The following ART3 variants were observed in gnomAD, a reference collection of about 807,000 sequenced individuals.
The protein encoded by ART3 is ADP-ribosyltransferase 3 (inactive), also known as ecto-ADP-ribosyltransferase 3.
In ART3, 49 loss-of-function variants were observed where a neutral mutation model predicts 48.5. The ratio of observed to expected loss-of-function variants is 1.01; its 90% CI spans 0.80 to 1.28. The LOEUF (loss-of-function observed/expected upper bound fraction) is 1.28. Among genes scored for constraint, ART3 ranks in the 50% most tolerant of loss-of-function variants. The pLI is 0.00. For missense variants in ART3, 438 were observed against 454.3 expected (o/e 0.96, Z 0.33); for synonymous variants, 145 against 157.2 (o/e 0.92, Z 0.58).
chr4:76,095,997 A>G (rs1289392745), intron 3 of ART3, among the ~76,000 whole-genome samples: 1 of 151,812 alleles, frequency 6.6e-6, no homozygotes, highest in African/African-American at 2.4e-5. Flanking sequence ...ATCTTGGCTC[A>G]CTGCAAACTC....
intron 2 of ART3, among the ~76,000 whole-genome samples, chr4:76,079,695 G>A (rs2149541432): frequency 6.6e-6 from 1 of 152,204 alleles, no homozygotes; most frequent in Admixed American, 6.5e-5. Context: ...TGGAGAAATG[G>A]GTGGGAAGCC....
chr4:76,042,621 C>T (rs1338622186), intron 1 of ART3, among the ~76,000 whole-genome samples: 3 of 151,794 alleles, frequency 2.0e-5, no homozygotes, highest in East Asian at 1.9e-4. Flanking sequence ...CTTAAGGTGG[C>T]GCGTCTGGAG....
intron 2 of ART3, among the ~76,000 whole-genome samples, chr4:76,080,913 T>G (rs957217438): frequency 2.6e-5 from 4 of 152,226 alleles, no homozygotes; most frequent in Non-Finnish European, 5.9e-5. Context: ...CTGATCTGCC[T>G]GGCTTCAAAG....
chr4:76,097,804 G>A (rs1282923376), intron 4 of ART3, 128 bp downstream of exon 4: 2 of 766,226 alleles, frequency 2.6e-6, no homozygotes, highest in Non-Finnish European at 4.3e-6. Flanking sequence ...AGGCTAAATT[G>A]TGCTACTACT....
intron 10 of ART3, among the ~76,000 whole-genome samples, chr4:76,104,836 C>T (rs1022006686): frequency 6.6e-6 from 1 of 152,164 alleles, no homozygotes; most frequent in African/African-American, 2.4e-5. Flanking sequence ...GCATAAATCC[C>T]TTTCTCCTGA....
At chr4:76,019,620 A>AT (rs1476632781) in intron 1 of ART3, among the ~76,000 whole-genome samples, 1 of 141,802 alleles carries the variant, frequency 7.1e-6, no homozygotes, top group Non-Finnish European at 1.5e-5. Context: ...CGCCTGGCTA[A>AT]TTTTTTTGTA....
intron 3 of ART3, among the ~76,000 whole-genome samples, chr4:76,092,760 A>G (rs1578531673): frequency 1.3e-5 from 2 of 152,186 alleles, no homozygotes; most frequent in East Asian, 1.9e-4. Flanking sequence ...GATTCTGTTT[A>G]TATGTATATT....
chr4:76,044,142 G>A (rs576262412), intron 1 of ART3, among the ~76,000 whole-genome samples: 12 of 152,014 alleles, frequency 7.9e-5, no homozygotes, highest in Admixed American at 2.6e-4. Context: ...GCCCAAAAGC[G>A]AGTAACAGCA....
intron 1 of ART3, among the ~76,000 whole-genome samples, chr4:76,043,697 C>T (rs1005049025): frequency 3.3e-5 from 5 of 151,016 alleles, no homozygotes; most frequent in African/African-American, 1.2e-4. Context: ...GCTGAGCGAG[C>T]CAGCTCCGGC....
At chr4:76,087,417 TA>T (rs1353265846) in intron 3 of ART3, among the ~76,000 whole-genome samples, 1 of 152,144 alleles carries the variant, frequency 6.6e-6, no homozygotes, top group African/African-American at 2.4e-5. Context: ...GAGTAACCTT[TA>T]AAGACAGGCA....
intron 1 of ART3, among the ~76,000 whole-genome samples, chr4:76,049,592 C>T (rs1735838588): frequency 6.6e-6 from 1 of 151,756 alleles, no homozygotes; most frequent in Admixed American, 6.6e-5. Context: ...AGTCCGGCAG[C>T]CTCACTAGTC....
intron 3 of ART3, among the ~76,000 whole-genome samples, chr4:76,096,477 A>G (rs2149647794): frequency 6.6e-6 from 1 of 152,314 alleles, no homozygotes; most frequent in South Asian, 2.1e-4. Flanking sequence ...TTGTAGGTAA[A>G]GAGGCTCCTC....
At position 76,036,973 on chromosome 4, in the gene ART3, C is replaced by T. The variant is rs570751536; in HGVS notation, c.-10+25653C>T. 3.9e-5 allele frequency: 7 copies of T among 180,806 alleles called. No homozygotes were observed. The South Asian group carries it at 5.8e-4, about 15-fold the overall frequency. The allele number at this position is 180,806 out of a possible 1,614,324, so 11.2% of individuals were successfully genotyped here. A position where few individuals can be genotyped will look rare whatever the true frequency, so the allele number is the denominator to read the frequency against. On this transcript the variant is annotated intron_variant, in intron 1 of 9. Transcript: ENST00000341029. ...CACAAATTTAGTGAGTTTGGTCAGG[C>T]GCCCACAGTGGCTGTGCCTGGGCTT...
intron 2 of ART3, among the ~76,000 whole-genome samples, chr4:76,077,387 A>G (rs1414522951): frequency 1.3e-5 from 2 of 152,190 alleles, no homozygotes; most frequent in Non-Finnish European, 2.9e-5. Flanking sequence ...TTATGGCCGT[A>G]CCGCATCTTG....
intron 1 of ART3, among the ~76,000 whole-genome samples, chr4:76,050,496 G>A (rs1735954210): frequency 6.6e-6 from 1 of 152,152 alleles, no homozygotes; most frequent in Non-Finnish European, 1.5e-5. Context: ...CAAACCTTGA[G>A]CTAGATACAG....
intron 1 of ART3, among the ~76,000 whole-genome samples, chr4:76,053,516 A>G (rs1441575309): frequency 6.6e-6 from 1 of 152,216 alleles, no homozygotes; most frequent in Non-Finnish European, 1.5e-5. Context: ...TTGCCTTGGA[A>G]TATTACTTTT....
In ART3 at chr4:76,036,029, T is replaced by G. The variant is rs371284323; in HGVS notation, c.-10+24709T>G. The G allele has an allele frequency of 1.5e-5, 24 of 1,583,998 alleles. No homozygotes were observed. The African/African-American group carries it at 2.8e-4, about 19-fold the overall frequency. ...TGCTGCTGGTGCTGCTGCTGCTACT[T>G]CAGCTTTGCTGCTCTTCTTGGAAGG... On this transcript the variant is annotated intron_variant, in intron 1 of 9. Coordinates refer to the ART3 transcript ENST00000341029.
At chr4:76,034,788 T>C in intron 1 of ART3, 1 of 1,534,808 alleles carries the variant, frequency 6.5e-7, no homozygotes, top group Non-Finnish European at 9.0e-7. Flanking sequence ...TATGTTTTGA[T>C]ATTTTTAAAA....
intron 3 of ART3, among the ~76,000 whole-genome samples, chr4:76,084,353 C>A (rs1269640646): frequency 6.6e-6 from 1 of 152,126 alleles, no homozygotes; most frequent in Admixed American, 6.6e-5. Context: ...AGAAAATTTT[C>A]TAAGTCTCTG....
Sources: gnomAD v4.1 joint callset for allele counts (sites outside exome capture counted in the v4.1 genomes callset) on GRCh38, gnomAD v4.1.1 for gene constraint, MANE v1.5 for transcripts, NCBI Gene and HGNC (gene_info 2026-07-23, HGNC 2026-07-21) for gene names.